Variants in PKP4 observed in about 807,000 individuals in gnomAD.
PKP4 encodes plakophilin-4.
In PKP4, 90 loss-of-function variants were observed where a neutral mutation model predicts 145.1. That is an observed-to-expected ratio of 0.62 (90% CI 0.52 to 0.74). PKP4 has a LOEUF of 0.74. Ranked by LOEUF, PKP4 falls within the 30% of genes least tolerant of loss-of-function variation. The probability of loss-of-function intolerance (pLI) is 0.00; values close to 1 mark genes in which losing one functional copy is unlikely to be tolerated. For missense variants in PKP4, 1,340 were observed against 1,482.7 expected (o/e 0.90, Z 1.58); for synonymous variants, 563 against 577.2 (o/e 0.98, Z 0.35).
At chr2:158,617,412 ATG>A (rs1428564223) in intron 4 of PKP4, among the ~76,000 whole-genome samples, 2 of 152,176 alleles carry the variant, frequency 1.3e-5, no homozygotes, top group African/African-American at 4.8e-5. Context: ...ACTTATAAAA[ATG>A]TCTCTTGATT....
intron 1 of PKP4, among the ~76,000 whole-genome samples, chr2:158,469,803 A>G (rs1691265032): frequency 6.6e-6 from 1 of 152,184 alleles, no homozygotes; most frequent in Admixed American, 6.5e-5. Flanking sequence ...TATTTGAATG[A>G]TATAACCTCA....
At chr2:158,516,208 T>A (rs1049392525) in intron 1 of PKP4, among the ~76,000 whole-genome samples, 2 of 152,164 alleles carry the variant, frequency 1.3e-5, no homozygotes, top group Non-Finnish European at 2.9e-5. Flanking sequence ...ACACTGGGGA[T>A]CTGACCCACA....
chr2:158,538,324 T>G (rs1344524393), intron 2 of PKP4, among the ~76,000 whole-genome samples: 1 of 152,122 alleles, frequency 6.6e-6, no homozygotes, highest in East Asian at 1.9e-4. Flanking sequence ...GATCTCTTGG[T>G]TTTAGAAACA....
chr2:158,485,568 G>A (rs143886347), intron 1 of PKP4, among the ~76,000 whole-genome samples: 14 of 152,324 alleles, frequency 9.2e-5, no homozygotes, highest in African/African-American at 3.1e-4. Flanking sequence ...CACCTGAAGT[G>A]TACTGGGTGG....
rs1447983580 is a variant in PKP4, at chr2:158,673,781, C to G, written c.3009+20C>G. On this transcript the variant is annotated intron_variant, in intron 18 of 21. Coordinates refer to ENST00000389759, the MANE Select transcript of PKP4 (RefSeq NM_003628.6). The stretch of plus-strand genomic sequence containing the variant: ...AAAAAGGTAACCTACAAGAATAGCT[C>G]TGGCATAATTAGCATTCATCAGAGC... 6.5e-7 allele frequency: 1 copy of G among 1,539,764 alleles called. No homozygotes were observed. The highest frequency in any genetic ancestry group is 9.0e-7 in the Non-Finnish European group (1 of 1,112,166).
intron 1 of PKP4, among the ~76,000 whole-genome samples, chr2:158,532,906 C>T (rs1367373260): frequency 1.3e-5 from 2 of 152,194 alleles, no homozygotes; most frequent in African/African-American, 4.8e-5. Context: ...ACATTCTTCT[C>T]ATGTCAGTTA....
At chr2:158,562,072 G>T (rs1187089851) in intron 2 of PKP4, among the ~76,000 whole-genome samples, 1 of 152,002 alleles carries the variant, frequency 6.6e-6, no homozygotes, top group African/African-American at 2.4e-5. Context: ...TTTCACTATT[G>T]AATTTTGTGA....
intron 1 of PKP4, among the ~76,000 whole-genome samples, chr2:158,483,287 C>A (rs1693639397): frequency 6.6e-6 from 1 of 150,502 alleles, no homozygotes; most frequent in African/African-American, 2.4e-5. Context: ...TCCCCAATTT[C>A]TAATGCTTTT....
At chr2:158,669,583 G>T in intron 16 of PKP4, 137 bp from the exon 17 acceptor site, 1 of 542,628 alleles carries the variant, frequency 1.8e-6, no homozygotes, top group Non-Finnish European at 3.0e-6. Flanking sequence ...TCTTTGCCAT[G>T]GGTTTTGATT....
intron 1 of PKP4, among the ~76,000 whole-genome samples, chr2:158,515,290 A>G (rs1362105407): frequency 6.6e-6 from 1 of 152,144 alleles, no homozygotes; most frequent in Non-Finnish European, 1.5e-5. Flanking sequence ...TTTTTTCTGG[A>G]AAATCATTTA....
At chr2:158,542,932 A>G (rs779027926) in intron 2 of PKP4, among the ~76,000 whole-genome samples, 1 of 152,208 alleles carries the variant, frequency 6.6e-6, no homozygotes, top group Non-Finnish European at 1.5e-5. Flanking sequence ...AACAGCTAAC[A>G]ATTATTGAGT....
chr2:158,501,761 G>GC (rs1474381463), intron 1 of PKP4, among the ~76,000 whole-genome samples: 2 of 134,022 alleles, frequency 1.5e-5, no homozygotes, highest in Non-Finnish European at 3.4e-5. Context: ...TCTATTGTGT[G>GC]CCTATTTTGA....
At chr2:158,535,779 G>T (rs369959361) in intron 2 of PKP4, among the ~76,000 whole-genome samples, 1 of 152,074 alleles carries the variant, frequency 6.6e-6, no homozygotes, top group African/African-American at 2.4e-5. Context: ...TCCACTCTGT[G>T]ATCTCAAATA....
At chr2:158,578,701 T>G (rs2048076485) in intron 3 of PKP4, among the ~76,000 whole-genome samples, 1 of 152,218 alleles carries the variant, frequency 6.6e-6, no homozygotes, top group East Asian at 1.9e-4. Flanking sequence ...ATTCAACATT[T>G]AACAGAATTC....
In PKP4 at chr2:158,658,322, CT is replaced by C; in HGVS notation, c.2093+11del. 1 of 1,533,326 alleles carries C rather than the reference CT, an allele frequency of 6.5e-7. No homozygotes were observed. The highest frequency in any genetic ancestry group is 8.9e-7 in the Non-Finnish European group (1 of 1,120,574). 95.0% of individuals were successfully genotyped at this position (1,533,326 alleles called of 1,614,324 possible). ...CACGACAGGTTGCCTAAGGTAAATT[CT>C]TTATTTCTTCTTTCCAGTTAATTCT... On this transcript the variant is annotated intron_variant, in intron 12 of 21. Transcript: ENST00000389759.
intron 2 of PKP4, among the ~76,000 whole-genome samples, chr2:158,551,900 A>G (rs1376974074): frequency 6.6e-6 from 1 of 152,216 alleles, no homozygotes; most frequent in Non-Finnish European, 1.5e-5. Context: ...CTTATTATAA[A>G]TTAATATGCT....
chr2:158,628,579 C>T (rs1316935138), intron 7 of PKP4, among the ~76,000 whole-genome samples: 1 of 152,142 alleles, frequency 6.6e-6, no homozygotes, highest in East Asian at 1.9e-4. Flanking sequence ...TATAGCCTAT[C>T]ACATAATAGT....
intron 17 of PKP4, among the ~76,000 whole-genome samples, chr2:158,670,522 A>C (rs949021576): frequency 2.6e-5 from 4 of 152,186 alleles, no homozygotes; most frequent in Non-Finnish European, 5.9e-5. Context: ...AGACCATAGC[A>C]GTCCCTAAAG....
chr2:158,590,347 G>C (rs1469381084), intron 3 of PKP4, among the ~76,000 whole-genome samples: 4 of 136,500 alleles, frequency 2.9e-5, no homozygotes, highest in Non-Finnish European at 6.5e-5. Context: ...GTGTGTGTGT[G>C]TGTGTGTGTG....
Sources: gnomAD v4.1 joint callset for allele counts (sites outside exome capture counted in the v4.1 genomes callset) on GRCh38, gnomAD v4.1.1 for gene constraint, MANE v1.5 for transcripts, NCBI Gene and HGNC (gene_info 2026-07-23, HGNC 2026-07-21) for gene names.